The following TNS1 variants were observed in gnomAD, a reference collection of about 807,000 sequenced individuals.
TNS1 encodes the protein tensin 1.
TNS1 carries 62 observed loss-of-function variants against 168.6 expected under a neutral mutation model. The observed-to-expected ratio is 0.37, with a 90% CI of 0.30 to 0.45. TNS1 has a LOEUF of 0.45. TNS1 is among the 20% of genes least tolerant of loss of function. The pLI is 1.00. For synonymous variants in TNS1, 934 were observed against 933.2 expected, an observed-to-expected ratio of 1.00 and a Z score of -0.02; for missense variants, 2,240 against 2,339.4, an observed-to-expected ratio of 0.96 and a Z score of 0.88.
chr2:217,813,924 A>T lies in TNS1; in HGVS notation c.4730-108T>A. 1 of 1,338,244 alleles carries T rather than the reference A, an allele frequency of 7.5e-7. No homozygotes were observed. Among genetic ancestry groups the T allele is most frequent in the Admixed American group, 3.4e-5 (1 of 29,552 alleles). 82.9% of individuals were successfully genotyped at this position (1,338,244 alleles called of 1,614,324 possible). On this transcript the variant is annotated intron_variant, in intron 25 of 32. Coordinates refer to ENST00000682258, the MANE Select transcript of TNS1 (RefSeq NM_001387777.1). This position sits in a 1 kb window ranked among gnomAD's most constrained non-coding sequence, Gnocchi z 4.0. ...ACCTTCGTTCTTTCTTAGGTGAGAC[A>T]AATTTTCTTTAAAGTTAAAATTTAA...
chr2:217,962,528 G>GA (rs906611296), intron 3 of TNS1, among the ~76,000 whole-genome samples: 92 of 150,534 alleles, frequency 6.1e-4, no homozygotes, highest in Admixed American at 2.8e-3. Context: ...TTGGATTCAA[G>GA]AAAAAAAAAT....
intron 18 of TNS1, among the ~76,000 whole-genome samples, chr2:217,853,024 C>T (rs372358505): frequency 6.6e-5 from 10 of 152,188 alleles, no homozygotes; most frequent in East Asian, 5.8e-4. Context: ...CTGTGGAGCA[C>T]GTGCCCCTCC....
At chr2:218,028,694 G>A (rs1175382160) in intron 1 of TNS1, among the ~76,000 whole-genome samples, 1 of 152,196 alleles carries the variant, frequency 6.6e-6, no homozygotes, top group Non-Finnish European at 1.5e-5. Flanking sequence ...GGGTAGATTT[G>A]CAGCTTCCTG....
intron 17 of TNS1, 125 bp from the exon 18 acceptor site, chr2:217,881,139 A>G (rs7421896): frequency 0.093 from 62,396 of 669,726 alleles, 4,503 homozygotes; most frequent in South Asian, 0.24. Context: ...GGGACTTCTC[A>G]TTTTCTTGAG....
chr2:217,887,671 C>T (rs1019886334), intron 12 of TNS1, among the ~76,000 whole-genome samples: 5 of 152,196 alleles, frequency 3.3e-5, no homozygotes, highest in Admixed American at 3.3e-4. Flanking sequence ...CACACCCTCT[C>T]CTTCTAGACA....
At chr2:217,972,452 G>A (rs1385540695) in intron 3 of TNS1, among the ~76,000 whole-genome samples, 1 of 152,266 alleles carries the variant, frequency 6.6e-6, no homozygotes, top group African/African-American at 2.4e-5. Context: ...AATCTGCAAT[G>A]AGACTGAAAG....
At chr2:217,970,319 T>C (rs968647626) in intron 3 of TNS1, among the ~76,000 whole-genome samples, 3 of 152,208 alleles carry the variant, frequency 2.0e-5, no homozygotes, top group African/African-American at 7.2e-5. Flanking sequence ...ATATAAGCTA[T>C]TGTGTAAAAC....
intron 9 of TNS1, among the ~76,000 whole-genome samples, chr2:217,894,188 C>T (rs1574982834): frequency 1.3e-5 from 2 of 152,158 alleles, no homozygotes; most frequent in South Asian, 4.1e-4. Flanking sequence ...GAGAACTCTG[C>T]AAGGACCCAT....
At chr2:217,988,667 C>T (rs1225102879) in intron 2 of TNS1, among the ~76,000 whole-genome samples, 1 of 152,168 alleles carries the variant, frequency 6.6e-6, no homozygotes, top group East Asian at 1.9e-4. Context: ...CTAAACTGCC[C>T]GCAAGCCCCA....
chr2:218,002,982 C>A lies in TNS1; in HGVS notation c.-110G>T. 1 of 453,790 alleles carries A rather than the reference C, an allele frequency of 2.2e-6. No individual in the cohort carries two copies. Among genetic ancestry groups the A allele is most frequent in the Middle Eastern group, 5.0e-4 (1 of 2,012 alleles). 28.1% of individuals were successfully genotyped at this position (453,790 alleles called of 1,614,324 possible). On this transcript the variant is annotated 5_prime_UTR_variant, in exon 1 of 33. Transcript: ENST00000682258. ...CTCTCTGAGTCCGCGGCTGCTCCGGCTCCGCCAGCATCTGCTGGGCCTCTC... is the reference window on the plus strand; with the variant it reads ...CTCTCTGAGTCCGCGGCTGCTCCGGATCCGCCAGCATCTGCTGGGCCTCTC...
At chr2:217,897,777 G>A in intron 8 of TNS1, 21 bp downstream of exon 8, 2 of 1,574,198 alleles carry the variant, frequency 1.3e-6, no homozygotes, top group Non-Finnish European at 1.7e-6. Context: ...CAGGACAGTG[G>A]GCACGAGGAT....
At chr2:217,830,095 G>T in intron 22 of TNS1, 1 of 679,108 alleles carries the variant, frequency 1.5e-6, no homozygotes, top group Non-Finnish European at 1.8e-6. Flanking sequence ...CCAAGGGGAA[G>T]GCCGAGGCCC....
chr2:218,030,774 G>C (rs948020216), intron 1 of TNS1, among the ~76,000 whole-genome samples: 2 of 152,230 alleles, frequency 1.3e-5, no homozygotes, highest in African/African-American at 4.8e-5. Context: ...TGAAATACAC[G>C]GGGTGGATAA....
intron 16 of TNS1, 24 bp downstream of exon 16, chr2:217,885,011 C>CCCAGCTCCA (rs1559298450): frequency 1.9e-6 from 3 of 1,613,808 alleles, no homozygotes; most frequent in East Asian, 4.5e-5. Flanking sequence ...GGTGCCCACC[C>CCCAGCTCCA]CCAGCTCCAC....
intron 19 of TNS1, among the ~76,000 whole-genome samples, chr2:217,838,600 C>T (rs959469541): frequency 6.6e-6 from 1 of 152,234 alleles, no homozygotes; most frequent in Non-Finnish European, 1.5e-5. Context: ...CGGGGCCAGC[C>T]CCTCCCCTGC....
chr2:217,916,430 A>C (rs1955014842), intron 4 of TNS1, among the ~76,000 whole-genome samples: 1 of 152,200 alleles, frequency 6.6e-6, no homozygotes, highest in Non-Finnish European at 1.5e-5. Flanking sequence ...TCCCGCACAC[A>C]GAAGACCTGA....
Position 217,801,769 on chromosome 2 carries a change from T to C in TNS1, c.*2690A>G, listed in dbSNP as rs1262471051. ...AGGGCTCTGGTGCAGGGCCCAGAGG[T>C]GGGGCCACTGTGGGGACTGGGGAAC... On this transcript the variant is annotated 3_prime_UTR_variant, in exon 33 of 33. Coordinates refer to ENST00000682258, the MANE Select transcript of TNS1 (RefSeq NM_001387777.1). 2.0e-5 allele frequency: 3 copies of C among 152,100 alleles called. No individual in the cohort carries two copies. The highest frequency in any genetic ancestry group is 7.2e-5 in the African/African-American group (3 of 41,394). 9.4% of individuals were successfully genotyped at this position (152,100 alleles called of 1,614,324 possible).
chr2:218,009,369 A>G (rs1225015236), intron 1 of TNS1, among the ~76,000 whole-genome samples: 2 of 151,108 alleles, frequency 1.3e-5, no homozygotes, highest in African/African-American at 4.9e-5. Flanking sequence ...CCTCACGTCT[A>G]TACTCCCCCC....
chr2:218,013,171 G>A (rs1011356704), upstream of TNS1, among the ~76,000 whole-genome samples: 2 of 151,650 alleles, frequency 1.3e-5, no homozygotes, highest in Non-Finnish European at 2.9e-5. Context: ...CAGGAGAATC[G>A]CTTGAACCCA....
Sources: allele counts gnomAD v4.1 joint callset (sites outside exome capture counted in the v4.1 genomes callset), GRCh38; gene constraint gnomAD v4.1.1; non-coding constraint Gnocchi (gnomAD v3.1); transcripts MANE v1.5; gene names NCBI Gene and HGNC (gene_info 2026-07-23, HGNC 2026-07-21).